Variants in NAA11 observed in about 807,000 individuals in gnomAD.
NAA11 encodes the protein N-alpha-acetyltransferase 11, NatA catalytic subunit.
A neutral mutation model predicts 16.1 loss-of-function variants in NAA11; 15 were observed. That is an observed-to-expected ratio of 0.93 (90% CI 0.62 to 1.44). The LOEUF (loss-of-function observed/expected upper bound fraction) is 1.44, where lower values mean the gene tolerates loss of function less well. Among genes scored for constraint, NAA11 ranks in the 40% most tolerant of loss-of-function variants. The probability of loss-of-function intolerance (pLI) is 0.00; values close to 1 mark genes in which losing one functional copy is unlikely to be tolerated. For missense variants in NAA11, 298 were observed against 291.3 expected (o/e 1.02, Z -0.17); for synonymous variants, 122 against 112.4 (o/e 1.09, Z -0.54).
chr4:79,179,363 T>C, the NAA11 span, among the ~76,000 whole-genome samples: 35 of 152,276 alleles, frequency 2.3e-4, no homozygotes, highest in Admixed American at 6.5e-4. Flanking sequence ...TAATAAGATA[T>C]GGTAAAGCTA....
intron 1 of NAA11, 75 bp downstream of exon 1, chr4:79,325,101 G>T: frequency 7.6e-7 from 1 of 1,308,756 alleles, no homozygotes; most frequent in Non-Finnish European, 1.0e-6. Context: ...GGTAAGACAG[G>T]ATGGAATTGG....
chr4:79,232,141 C>T (rs1721480812), intron 2 of NAA11, among the ~76,000 whole-genome samples: 1 of 151,746 alleles, frequency 6.6e-6, no homozygotes, highest in Non-Finnish European at 1.5e-5. Context: ...ACACTGGGCA[C>T]AGTATTGTTG....
At chr4:79,281,251 A>G (rs1402672025) in intron 2 of NAA11, among the ~76,000 whole-genome samples, 1 of 151,678 alleles carries the variant, frequency 6.6e-6, no homozygotes, top group East Asian at 1.9e-4. Flanking sequence ...GCCTCCCTCT[A>G]TAGTATGGCT....
chr4:79,286,080 G>A (rs1306980078), intron 2 of NAA11, among the ~76,000 whole-genome samples: 1 of 151,984 alleles, frequency 6.6e-6, no homozygotes, highest in Non-Finnish European at 1.5e-5. Context: ...ACAGTCTTCT[G>A]ATTTTACTCT....
At chr4:79,302,516 A>G (rs1264796072) in intron 1 of NAA11, among the ~76,000 whole-genome samples, 2 of 152,218 alleles carry the variant, frequency 1.3e-5, no homozygotes, top group Non-Finnish European at 2.9e-5. Context: ...CAAATCCTTC[A>G]TAACAAAGTC....
chr4:79,300,177 A>G lies in NAA11; in HGVS notation c.*13-6063T>C, dbSNP rs531328051. Among the ~76,000 whole-genome samples the G allele has an allele frequency of 1.4e-4, 22 of 152,336 alleles. No individual in the cohort carries two copies. The South Asian group carries it at 2.7e-3, about 19-fold the overall frequency. On this transcript the variant is annotated intron_variant and NMD_transcript_variant, in intron 1 of 2. Transcript: ENST00000511542. ...GAGAACTGCTTCATTCACTGGATGT[A>G]GGCAATGATTTTCCTAAGGTGTTAG...
intron 2 of NAA11, chr4:79,244,968 G>A (rs556794186): frequency 7.4e-4 from 124 of 168,282 alleles, no homozygotes; most frequent in Admixed American, 1.7e-3. Flanking sequence ...GCGTGATCTC[G>A]GCTCGCTAAA....
At chr4:79,247,056 T>C (rs1352462491) in intron 2 of NAA11, among the ~76,000 whole-genome samples, 1 of 152,110 alleles carries the variant, frequency 6.6e-6, no homozygotes. Context: ...TCAATGGTAG[T>C]GGTGCAGAAG....
chr4:79,293,761 T>A, intron 2 of NAA11, among the ~76,000 whole-genome samples: 1 of 152,280 alleles, frequency 6.6e-6, no homozygotes, highest in Non-Finnish European at 1.5e-5. Context: ...TCCACAAACT[T>A]CCTTTTTAAA....
At chr4:79,203,982 A>C in the NAA11 span, among the ~76,000 whole-genome samples, 1 of 151,880 alleles carries the variant, frequency 6.6e-6, no homozygotes, top group Non-Finnish European at 1.5e-5. Flanking sequence ...TTGCATAGTA[A>C]ATGGGCATAA....
intron 2 of NAA11, among the ~76,000 whole-genome samples, chr4:79,255,535 G>C (rs1722089327): frequency 6.6e-6 from 1 of 152,122 alleles, no homozygotes; most frequent in Admixed American, 6.5e-5. Flanking sequence ...GTCCTTAAAT[G>C]ACTATCTCTT....
At chr4:79,275,329 T>G (rs1036854033) in intron 2 of NAA11, among the ~76,000 whole-genome samples, 1 of 152,052 alleles carries the variant, frequency 6.6e-6, no homozygotes, top group Non-Finnish European at 1.5e-5. Flanking sequence ...CGTTTCATGA[T>G]AGGGATTGCC....
At chr4:79,246,076 C>T (rs1045011746) in intron 2 of NAA11, among the ~76,000 whole-genome samples, 1 of 152,064 alleles carries the variant, frequency 6.6e-6, no homozygotes, top group Non-Finnish European at 1.5e-5. Context: ...TAACCTTACC[C>T]CCAACCCCGT....
intron 1 of NAA11, among the ~76,000 whole-genome samples, chr4:79,324,537 C>T (rs111668993): frequency 2.9e-4 from 44 of 152,292 alleles, no homozygotes; most frequent in African/African-American, 1.0e-3. Context: ...CTGGATTTGG[C>T]TGTTTGCATC....
the NAA11 span, chr4:79,195,762 C>T: frequency 6.6e-6 from 1 of 152,032 alleles, no homozygotes; most frequent in Non-Finnish European, 1.5e-5. Context: ...ACCCATGCTG[C>T]TGTTCTCGTG....
chr4:79,236,463 G>GA (rs934107556), intron 2 of NAA11, among the ~76,000 whole-genome samples: 69 of 148,770 alleles, frequency 4.6e-4, no homozygotes, highest in Admixed American at 2.0e-4. Flanking sequence ...GTATTTTATG[G>GA]AAAAAAAAAG....
the NAA11 span, among the ~76,000 whole-genome samples, chr4:79,181,850 C>T: frequency 3.9e-5 from 6 of 152,076 alleles, no homozygotes; most frequent in African/African-American, 9.7e-5. Flanking sequence ...CTATTGGATT[C>T]GTTTTTTTAA....
intron 2 of NAA11, among the ~76,000 whole-genome samples, chr4:79,260,573 G>A (rs1578167464): frequency 6.6e-6 from 1 of 152,302 alleles, no homozygotes; most frequent in East Asian, 1.9e-4. Flanking sequence ...AGGAAAGCAT[G>A]TGCAGGATTG....
the NAA11 span, among the ~76,000 whole-genome samples, chr4:79,168,703 C>T: frequency 6.6e-6 from 1 of 152,276 alleles, no homozygotes; most frequent in African/African-American, 2.4e-5. Flanking sequence ...CCTTTGCCCA[C>T]TCTTTGATGG....
Sources: allele counts gnomAD v4.1 joint callset (sites outside exome capture counted in the v4.1 genomes callset), GRCh38; gene constraint gnomAD v4.1.1; transcripts MANE v1.5; gene names NCBI Gene and HGNC (gene_info 2026-07-23, HGNC 2026-07-21).